DCT: variants seen among roughly 807,000 people sequenced by gnomAD.
DCT encodes L-dopachrome tautomerase.
Under a neutral mutation model 53.0 loss-of-function variants are expected in DCT, and 47 were observed. That is an observed-to-expected ratio of 0.89 (90% CI 0.70 to 1.13). The LOEUF is 1.13. Ranked by LOEUF, DCT falls within the 50% of genes most tolerant of loss-of-function variation. DCT has a pLI of 0.00. For missense variants in DCT, 669 were observed against 637.4 expected (o/e 1.05, Z -0.53); for synonymous variants, 244 against 237.0 (o/e 1.03, Z -0.27).
chr13:94,441,908 G>A (rs1360977721), intron 7 of DCT, among the ~76,000 whole-genome samples: 2 of 152,000 alleles, frequency 1.3e-5, no homozygotes, highest in African/African-American at 4.8e-5. Context: ...CCATTTTTTT[G>A]AGGAATCCCC....
chr13:94,472,698 C>T (rs1380416433), intron 1 of DCT, among the ~76,000 whole-genome samples: 1 of 148,830 alleles, frequency 6.7e-6, no homozygotes, highest in Admixed American at 6.7e-5. Flanking sequence ...TCTCCTGCCT[C>T]AGCCTCCCTA....
At chr13:94,545,413 C>T in the DCT span, among the ~76,000 whole-genome samples, 1 of 152,090 alleles carries the variant, frequency 6.6e-6, no homozygotes, top group African/African-American at 2.4e-5. Flanking sequence ...ATCTGAGAAG[C>T]TAAACAATAA....
upstream of DCT, among the ~76,000 whole-genome samples, chr13:94,483,800 G>A (rs947531563): frequency 3.9e-5 from 6 of 151,998 alleles, no homozygotes; most frequent in African/African-American, 1.2e-4. Flanking sequence ...CACCGTGCCC[G>A]GCCCATATGA....
chr13:94,464,602 T>G (rs990762022), intron 4 of DCT, among the ~76,000 whole-genome samples: 1 of 151,618 alleles, frequency 6.6e-6, no homozygotes, highest in East Asian at 1.9e-4. Context: ...ATCACGTCAC[T>G]GCACTCCAGC....
chr13:94,540,837 T>C, the DCT span, among the ~76,000 whole-genome samples: 2 of 152,196 alleles, frequency 1.3e-5, no homozygotes. Context: ...ATCCAATAAA[T>C]GTCTGCACTC....
At chr13:94,477,167 C>T (rs570560859) in intron 1 of DCT, among the ~76,000 whole-genome samples, 1 of 152,244 alleles carries the variant, frequency 6.6e-6, no homozygotes, top group South Asian at 2.1e-4. Context: ...GTGATTTCTG[C>T]TCACTGCAAC....
At chr13:94,480,060 C>A (rs1359324743), upstream of DCT, among the ~76,000 whole-genome samples, 5 of 152,136 alleles carry the variant, frequency 3.3e-5, no homozygotes, top group African/African-American at 9.7e-5. Flanking sequence ...GGTCATGCAA[C>A]TTCAAAAATA....
the DCT span, among the ~76,000 whole-genome samples, chr13:94,503,028 G>A: frequency 3.5e-3 from 536 of 152,282 alleles, 2 homozygotes; most frequent in African/African-American, 0.012. Flanking sequence ...TGATGTGCTC[G>A]AGACCTAAGC....
the DCT span, among the ~76,000 whole-genome samples, chr13:94,527,402 G>A: frequency 6.6e-6 from 1 of 152,226 alleles, no homozygotes; most frequent in Admixed American, 6.5e-5. Flanking sequence ...CCTCAAACAG[G>A]CAGGTGCCCC....
chr13:94,442,772 G>A lies in DCT; in HGVS notation c.1381+664C>T, dbSNP rs1882424861. On this transcript the variant is annotated intron_variant, in intron 7 of 7. Transcript: ENST00000377028. ...GCCTTCATGAACCTATCCATCGCAG[G>A]TGGTATAGGCTAAATGGGAAATGAC... 2.0e-5 allele frequency among the ~76,000 whole-genome samples: 3 copies of A among 152,190 alleles called. No homozygotes were observed. The South Asian group carries it at 6.2e-4, about 31-fold the overall frequency.
At chr13:94,472,535 TATATATATATATATATATATATATATATA>T (rs1566854572) in intron 1 of DCT, among the ~76,000 whole-genome samples, 82 of 23,948 alleles carry the variant, frequency 3.4e-3, no homozygotes, top group Non-Finnish European at 4.7e-3. Context: ...TATATATATA[TATATATATATATATATATATATATATATA>T]TATATTTTTT....
At chr13:94,469,701 G>A (rs1884503770) in intron 1 of DCT, among the ~76,000 whole-genome samples, 1 of 152,102 alleles carries the variant, frequency 6.6e-6, no homozygotes, top group Non-Finnish European at 1.5e-5. Context: ...TCCACTCCAC[G>A]CCCACAAAAA....
At chr13:94,549,265 G>A in the DCT span, among the ~76,000 whole-genome samples, 1 of 152,258 alleles carries the variant, frequency 6.6e-6, no homozygotes. Flanking sequence ...TTGGGATGAA[G>A]GTGTTTTGCT....
chr13:94,477,461 G>A (rs1329429242), intron 1 of DCT, among the ~76,000 whole-genome samples: 1 of 151,976 alleles, frequency 6.6e-6, no homozygotes, highest in Non-Finnish European at 1.5e-5. Context: ...ACATAAAGAT[G>A]GCAACAATAG....
At chr13:94,459,378 A>G (rs574509364) in intron 6 of DCT, among the ~76,000 whole-genome samples, 1 of 152,212 alleles carries the variant, frequency 6.6e-6, no homozygotes, top group Non-Finnish European at 1.5e-5. Flanking sequence ...TATTAATGCC[A>G]TCGGTGAAGG....
chr13:94,487,515 C>T, the DCT span, among the ~76,000 whole-genome samples: 3 of 152,176 alleles, frequency 2.0e-5, no homozygotes, highest in African/African-American at 7.2e-5. Context: ...AGGATGCCAG[C>T]CTATGCCTTC....
At chr13:94,490,529 A>AAAAAAAAAAAAAAAAAAAAAAAC in the DCT span, among the ~76,000 whole-genome samples, 1 of 148,714 alleles carries the variant, frequency 6.7e-6, no homozygotes. Flanking sequence ...AAAAAAAAAA[A>AAAAAAAAAAAAAAAAAAAAAAAC]AACAACTAAC....
At chr13:94,536,925 CAGAG>C in the DCT span, among the ~76,000 whole-genome samples, 1,749 of 152,244 alleles carry the variant, frequency 0.011, 17 homozygotes, top group Middle Eastern at 0.041. Context: ...ACCTGGGCAA[CAGAG>C]AGAGACTCCA....
chr13:94,461,885 G>T, intron 5 of DCT, 125 bp downstream of exon 5: 1 of 723,856 alleles, frequency 1.4e-6, no homozygotes, highest in Non-Finnish European at 2.2e-6. Flanking sequence ...CTCTCGTTAG[G>T]CCTCTCTCCA....
Sources: allele counts gnomAD v4.1 joint callset (sites outside exome capture counted in the v4.1 genomes callset), GRCh38; gene constraint gnomAD v4.1.1; transcripts MANE v1.5; gene names NCBI Gene and HGNC (gene_info 2026-07-23, HGNC 2026-07-21).